Variants in KLHL13 observed in about 807,000 individuals in gnomAD.
The protein encoded by KLHL13 is kelch-like protein 13.
In KLHL13, 10 loss-of-function variants were observed where a neutral mutation model predicts 37.1. The observed-to-expected ratio is 0.27, with a 90% CI of 0.17 to 0.46. The LOEUF (loss-of-function observed/expected upper bound fraction) is 0.46, where lower values mean the gene tolerates loss of function less well. KLHL13 is among the 20% of genes least tolerant of loss of function. The probability of loss-of-function intolerance (pLI) is 1.00; values close to 1 mark genes in which losing one functional copy is unlikely to be tolerated. For missense variants in KLHL13, 360 were observed against 509.3 expected (o/e 0.71, Z 2.82); for synonymous variants, 163 against 181.2 (o/e 0.90, Z 0.81).
At chrX:117,907,407 C>T (rs2091574568) in intron 5 of KLHL13, among the ~76,000 whole-genome samples, 1 of 111,577 alleles carries the variant, frequency 9.0e-6, no homozygotes, top group African/African-American at 3.2e-5. Flanking sequence ...ATAATATCAA[C>T]AAGCAAGGAC....
intron 1 of KLHL13, among the ~76,000 whole-genome samples, chrX:118,011,307 A>G (rs182058608): frequency 9.1e-6 from 1 of 109,378 alleles, no homozygotes; most frequent in East Asian, 2.9e-4. Flanking sequence ...GCAGGAGAAA[A>G]GCCTGGTGAG....
intron 1 of KLHL13, among the ~76,000 whole-genome samples, chrX:118,083,198 A>G (rs533846213): frequency 8.7e-4 from 97 of 112,084 alleles, no homozygotes; most frequent in South Asian, 7.8e-3. Flanking sequence ...AGGTTCCTCA[A>G]AAAACTAAAA....
intron 1 of KLHL13, among the ~76,000 whole-genome samples, chrX:118,069,377 A>G (rs2054830781): frequency 9.7e-6 from 1 of 102,770 alleles, no homozygotes; most frequent in African/African-American, 3.6e-5. Context: ...AGGCTGATGT[A>G]TATGCTTGTG....
chrX:118,115,378 A>G (rs1377396312), intron 1 of KLHL13, among the ~76,000 whole-genome samples: 3 of 112,727 alleles, frequency 2.7e-5, no homozygotes, highest in African/African-American at 9.7e-5. Flanking sequence ...CATGGGGAGA[A>G]AGCGATATCG....
chrX:118,064,154 T>C (rs917118318), intron 1 of KLHL13, among the ~76,000 whole-genome samples: 9 of 111,986 alleles, frequency 8.0e-5, no homozygotes, highest in African/African-American at 1.9e-4. Context: ...ACTTGTTTTA[T>C]GTAACTATTA....
At chrX:117,930,290 A>AAGGAAGGAAGGAAGGCAGGCAGGC (rs1556301121) in intron 2 of KLHL13, among the ~76,000 whole-genome samples, 6 of 77,992 alleles carry the variant, frequency 7.7e-5, no homozygotes, top group Non-Finnish European at 1.4e-4. Flanking sequence ...GGAAGGAAGG[A>AAGGAAGGAAGGAAGGCAGGCAGGC]AGGCAGGCAG....
chrX:118,033,650 A>G (rs1442810863), intron 1 of KLHL13, among the ~76,000 whole-genome samples: 1 of 109,637 alleles, frequency 9.1e-6, no homozygotes, highest in Non-Finnish European at 1.9e-5. Flanking sequence ...CAAAATGTAA[A>G]GACCATCGAG....
chrX:118,081,067 A>ATAT (rs1365065470), intron 1 of KLHL13, among the ~76,000 whole-genome samples: 1 of 111,576 alleles, frequency 9.0e-6, no homozygotes, highest in Non-Finnish European at 1.9e-5. Flanking sequence ...CATTGAGCAC[A>ATAT]TATGGACATA....
At chrX:118,041,378 C>T (rs1371416511) in intron 1 of KLHL13, among the ~76,000 whole-genome samples, 2 of 110,463 alleles carry the variant, frequency 1.8e-5, no homozygotes, top group African/African-American at 6.6e-5. Flanking sequence ...AACACAAAAA[C>T]TAGCCAGGCA....
At chrX:117,960,849 A>T (rs970149504) in intron 1 of KLHL13, among the ~76,000 whole-genome samples, 1 of 111,994 alleles carries the variant, frequency 8.9e-6, no homozygotes. Context: ...AATGGCTCTG[A>T]TAACAGTGGA....
intron 1 of KLHL13, among the ~76,000 whole-genome samples, chrX:118,051,492 G>A (rs918476013): frequency 9.0e-6 from 1 of 110,531 alleles, no homozygotes; most frequent in Non-Finnish European, 1.9e-5. Flanking sequence ...AGTGAGCCGA[G>A]ATTGCACCAC....
At chrX:117,982,746 G>GA (rs746873937) in intron 1 of KLHL13, among the ~76,000 whole-genome samples, 23 of 112,197 alleles carry the variant, frequency 2.0e-4, no homozygotes, top group African/African-American at 6.8e-4. Flanking sequence ...AACTATTAGA[G>GA]AAACACTGCT....
At chrX:118,073,070 G>C (rs772667356) in intron 1 of KLHL13, among the ~76,000 whole-genome samples, 2 of 108,560 alleles carry the variant, frequency 1.8e-5, no homozygotes, top group South Asian at 8.4e-4. Flanking sequence ...CTATCACCTG[G>C]GTTACAGAGT....
chrX:117,994,028 G>A (rs1045088268), intron 1 of KLHL13, among the ~76,000 whole-genome samples: 1 of 110,059 alleles, frequency 9.1e-6, no homozygotes, highest in African/African-American at 3.3e-5. Flanking sequence ...GAGCCACCAC[G>A]CCCGGCCTGC....
At position 117,987,839 on chromosome X, in the gene KLHL13, G is replaced by A. The variant is rs1024857206; in HGVS notation, c.-55-42264C>T. Among the ~76,000 whole-genome samples, 166 of 111,634 alleles carry A rather than the reference G, an allele frequency of 1.5e-3. 2 individuals are homozygous for A. Among genetic ancestry groups the A allele is most frequent in the African/African-American group, 5.2e-3 (161 of 30,840 alleles). On this transcript the variant is annotated intron_variant, in intron 1 of 6. Coordinates refer to the KLHL13 transcript ENST00000371882. ...TTCTTTTTTATTGAGTGAAAAAACT[G>A]ACCAGTTGCCTTTCCACTAACTTAT...
chrX:117,918,517 A>G (rs1381362460), intron 4 of KLHL13, among the ~76,000 whole-genome samples: 1 of 111,632 alleles, frequency 9.0e-6, no homozygotes, highest in Non-Finnish European at 1.9e-5. Flanking sequence ...TATACCAAAA[A>G]TTAATATTGC....
chrX:117,995,243 A>G (rs1402048032), intron 1 of KLHL13, among the ~76,000 whole-genome samples: 1 of 111,452 alleles, frequency 9.0e-6, no homozygotes, highest in Non-Finnish European at 1.9e-5. Context: ...TGCAAATAGG[A>G]AACTAATAAT....
intron 1 of KLHL13, among the ~76,000 whole-genome samples, chrX:118,010,211 AC>A (rs1189010765): frequency 1.1e-5 from 1 of 90,680 alleles, no homozygotes; most frequent in Admixed American, 1.3e-4. Flanking sequence ...AACTAGAAAT[AC>A]CATTTGACCC....
intron 1 of KLHL13, among the ~76,000 whole-genome samples, chrX:118,036,690 C>G (rs2054446544): frequency 9.0e-6 from 1 of 111,204 alleles, no homozygotes; most frequent in Non-Finnish European, 1.9e-5. Context: ...TGGGCAAGGA[C>G]TTCATGTCTA....
Sources: gnomAD v4.1 joint callset for allele counts (sites outside exome capture counted in the v4.1 genomes callset) on GRCh38, gnomAD v4.1.1 for gene constraint, MANE v1.5 for transcripts, NCBI Gene and HGNC (gene_info 2026-07-23, HGNC 2026-07-21) for gene names.